The following POLR1B variants were observed in gnomAD, a reference collection of about 807,000 sequenced individuals.
The protein encoded by POLR1B is RNA polymerase I subunit B.
A neutral mutation model predicts 105.8 loss-of-function variants in POLR1B; 30 were observed. That is an observed-to-expected ratio of 0.28 (90% CI 0.21 to 0.38). POLR1B has a LOEUF of 0.38. POLR1B is among the 10% of genes least tolerant of loss of function. The probability of loss-of-function intolerance (pLI) is 1.00; values close to 1 mark genes in which losing one functional copy is unlikely to be tolerated. For missense variants in POLR1B, 976 were observed against 1,435.8 expected, an observed-to-expected ratio of 0.68 and a Z score of 5.17; for synonymous variants, 485 against 505.1, an observed-to-expected ratio of 0.96 and a Z score of 0.53.
intron 4 of POLR1B, 101 bp downstream of exon 4, chr2:112,549,500 T>A: frequency 4.7e-4 from 53 of 111,878 alleles, no homozygotes; most frequent in Non-Finnish European, 6.7e-4. Flanking sequence ...TTTTTGTTTC[T>A]TTTTTTTTTT....
rs1372447631 is a variant in POLR1B, at chr2:112,577,800, C to A, written c.*2071C>A. 6.8e-6 allele frequency among the ~76,000 whole-genome samples: 1 copy of A among 146,950 alleles called. No homozygotes were observed. The highest frequency in any genetic ancestry group is 2.5e-5 in the African/African-American group (1 of 39,592). ...TGAGCCAAGATTGTGCCACCACACT[C>A]CAGCCTGGGCGACAGAATGAGACCC... is the stretch of plus-strand genomic sequence containing the variant. On this transcript the variant is annotated 3_prime_UTR_variant, in exon 15 of 15. Transcript: ENST00000263331.
At position 112,575,342 on chromosome 2, in the gene POLR1B, A is replaced by C. The variant is rs1321893548; in HGVS notation, c.3021A>C (p.Ser1007=). 1 of 1,614,194 alleles carries C rather than the reference A, an allele frequency of 6.2e-7. No individual in the cohort carries two copies. The highest frequency in any genetic ancestry group is 2.2e-5 in the East Asian group (1 of 44,882). Residue 1007 remains serine, a synonymous_variant, in exon 15 of 15, where the codon TCA becomes TCC. Transcript: ENST00000263331. This position sits in a 1 kb window ranked among gnomAD's most constrained non-coding sequence, Gnocchi z 5.3. ...ATCAGCGCTTACGCCATATGGTCTC[A>C]GACAAATTTCAAGTAAGGACAACTG... ...VYYQRLRHMV[S]DKFQVRTTGA...
At chr2:112,569,802 T>G (rs144780986) in intron 12 of POLR1B, among the ~76,000 whole-genome samples, 2,329 of 152,064 alleles carry the variant, frequency 0.015, 56 homozygotes, top group African/African-American at 0.048. Flanking sequence ...TCAGGTGACC[T>G]GCCCACTTTG....
chr2:112,552,033 G>C, intron 6 of POLR1B, 35 bp downstream of exon 6: 1 of 1,549,574 alleles, frequency 6.5e-7, no homozygotes, highest in Non-Finnish European at 8.9e-7. Context: ...TTTTGGAGGG[G>C]CGGAGGGCTG....
chr2:112,544,413 C>CA (rs1275791204), intron 1 of POLR1B, among the ~76,000 whole-genome samples: 3 of 152,130 alleles, frequency 2.0e-5, no homozygotes, highest in Non-Finnish European at 2.9e-5. Context: ...GCCTGGGTGA[C>CA]AGAGTGAGAC....
intron 1 of POLR1B, among the ~76,000 whole-genome samples, chr2:112,544,892 A>G (rs1181784536): frequency 6.6e-6 from 1 of 152,130 alleles, no homozygotes; most frequent in Admixed American, 6.5e-5. Context: ...TGGGGATTCC[A>G]TATTTGCAAA....
chr2:112,546,177 C>T (rs1382355352), intron 1 of POLR1B, among the ~76,000 whole-genome samples: 3 of 152,122 alleles, frequency 2.0e-5, no homozygotes, highest in African/African-American at 7.2e-5. Flanking sequence ...GCTTCCCCTA[C>T]AGAATGGTAC....
chr2:112,557,736 C>T (rs1414171563), intron 7 of POLR1B, among the ~76,000 whole-genome samples, 174 bp from the exon 8 acceptor site: 3 of 149,292 alleles, frequency 2.0e-5, no homozygotes, highest in Non-Finnish European at 4.5e-5. Flanking sequence ...CCCACCCCCT[C>T]ACCCCACCCC....
intron 1 of POLR1B, chr2:112,545,820 A>AT (rs1683012538): frequency 5.4e-6 from 2 of 368,578 alleles, no homozygotes; most frequent in Non-Finnish European, 1.0e-5. Flanking sequence ...TTTTATTTTT[A>AT]TTTTTTGTAG....
chr2:112,571,688 C>A (rs1359750493), intron 12 of POLR1B, among the ~76,000 whole-genome samples: 1 of 152,126 alleles, frequency 6.6e-6, no homozygotes, highest in Middle Eastern at 3.2e-3. Context: ...CTGAAATGTT[C>A]CCCCTTCCCA....
intron 7 of POLR1B, among the ~76,000 whole-genome samples, chr2:112,556,960 A>G (rs2104535179): frequency 6.6e-6 from 1 of 152,342 alleles, no homozygotes; most frequent in East Asian, 1.9e-4. Flanking sequence ...TGTTGTGAAC[A>G]TTCGAAATCC....
At chr2:112,553,256 C>G (rs1574101555) in intron 7 of POLR1B, 1 of 152,850 alleles carries the variant, frequency 6.5e-6, no homozygotes, top group Admixed American at 6.5e-5. Context: ...TGAGGCGGGG[C>G]AGGGCGATGC....
rs575569159 is a variant in POLR1B at position 112,564,052 on chromosome 2, TAGTAACATC to T, written c.1613-311_1613-303del. The stretch of plus-strand genomic sequence containing the variant: ...ATTTCTACCACATCTACAAGTCCAG[TAGTAACATC>T]AGAGATCACTAATCACAGATCACCA... On this transcript the variant is annotated intron_variant, in intron 9 of 14. Transcript: ENST00000263331. 3.3e-5 allele frequency among the ~76,000 whole-genome samples: 5 copies of T among 151,890 alleles called. No individual in the cohort carries two copies. In the East Asian group the frequency reaches 9.6e-4, roughly 29 times the overall value.
intron 7 of POLR1B, chr2:112,553,347 G>C (rs1683472895): frequency 6.6e-6 from 1 of 152,092 alleles, no homozygotes; most frequent in Non-Finnish European, 1.5e-5. Context: ...ACATTGTCGT[G>C]CTTCTTATTG....
chr2:112,568,680 G>A (rs1428320510), intron 11 of POLR1B, 66 bp from the exon 12 acceptor site: 1 of 1,545,328 alleles, frequency 6.5e-7, no homozygotes, highest in Admixed American at 1.7e-5. Flanking sequence ...TGAACTCTGA[G>A]AAATGGTAAG....
In POLR1B at chr2:112,574,695, C is replaced by T. The variant is rs1032961420; in HGVS notation, c.2526-152C>T. ...TGTAATTGCACCACCGCACTCCAGCCTGGGCAACAGAGTGAGACCCTGTAT... is the reference window on the plus strand; with the variant it reads ...TGTAATTGCACCACCGCACTCCAGCTTGGGCAACAGAGTGAGACCCTGTAT... On this transcript the variant is annotated intron_variant, in intron 14 of 14. Transcript: ENST00000263331. 6.8e-6 allele frequency: 5 copies of T among 736,260 alleles called. 1 individual carries two copies. The highest frequency in any genetic ancestry group is 6.2e-5 in the South Asian group (3 of 48,470). 45.6% of individuals were successfully genotyped at this position (736,260 alleles called of 1,614,324 possible).
In POLR1B at chr2:112,559,363, C is replaced by G. The variant is rs146513519; in HGVS notation, c.1401C>G (p.Ser467=). Residue 467 remains serine, a synonymous_variant, in exon 9 of 15, where the codon TCC becomes TCG. Transcript: ENST00000263331. ...AGCTGAACTTCATACGCTACCTCTC[C>G]CATTTCCGCTGCGTGCACAGAGGGG... The part of the protein sequence containing the change: ...ADKLNFIRYL[S]HFRCVHRGAD... The G allele has an allele frequency of 6.2e-6, 10 of 1,614,082 alleles. No individual in the cohort carries two copies. The highest frequency in any genetic ancestry group is 6.8e-6 in the Non-Finnish European group (8 of 1,180,052).
intron 10 of POLR1B, among the ~76,000 whole-genome samples, chr2:112,566,084 C>T (rs1041567262): frequency 2.0e-5 from 3 of 152,074 alleles, no homozygotes; most frequent in Admixed American, 2.0e-4. Flanking sequence ...GGTCTCCTGA[C>T]CTTAACTGAT....
chr2:112,547,078 A>G lies in POLR1B; in HGVS notation c.244A>G (p.Ile82Val), dbSNP rs1245564287. 3.1e-6 allele frequency: 5 copies of G among 1,614,188 alleles called. No homozygotes were observed. The highest frequency in any genetic ancestry group is 4.2e-6 in the Non-Finnish European group (5 of 1,180,024). ...RISFTILDAV[I>V]SPPTVPKGTI... is the part of the protein sequence containing the mutation. ...CTCTTTTACTATTCTGGATGCTGTT[A>G]TCAGTCCACCTACAGTTCCAAAAGG... The change falls in exon 2 of 15, where the codon ATC becomes GTC. Residue 82 changes from isoleucine (I) to valine (V), a missense_variant. Physicochemically the swap from Ile to Val is conservative, Grantham distance 29. Transcript: ENST00000263331.
Sources: allele counts gnomAD v4.1 joint callset (sites outside exome capture counted in the v4.1 genomes callset), GRCh38; gene constraint gnomAD v4.1.1; non-coding constraint Gnocchi (gnomAD v3.1); transcripts MANE v1.5; gene names NCBI Gene and HGNC (gene_info 2026-07-23, HGNC 2026-07-21).